The following STK3 variants were observed in gnomAD, a reference collection of about 807,000 sequenced individuals.
STK3 encodes serine/threonine kinase 3.
A neutral mutation model predicts 58.0 loss-of-function variants in STK3; 41 were observed. The ratio of observed to expected loss-of-function variants is 0.71; its 90% CI spans 0.55 to 0.92. The LOEUF is 0.92. Among genes scored for constraint, STK3 ranks in the 40% least tolerant of loss-of-function variants. STK3 has a pLI of 0.00. For missense variants in STK3, 479 were observed against 602.7 expected (o/e 0.79, Z 2.15); for synonymous variants, 170 against 191.0 (o/e 0.89, Z 0.91).
rs576192276 is a variant in STK3 at position 98,498,975 on chromosome 8, C to T, written c.1317+27767G>A. ...TTGCAAATGTGATTAAATTAAGTCT[C>T]TTATGATCCTAAGAATGGGGAGATA... On this transcript the variant is annotated intron_variant, in intron 10 of 10. Transcript: ENST00000419617. Among the ~76,000 whole-genome samples the T allele has an allele frequency of 2.4e-4, 37 of 152,258 alleles. No individual in the cohort carries two copies. The East Asian group carries it at 6.9e-3, about 29-fold the overall frequency.
At chr8:98,757,581 C>T (rs1434959428) in intron 3 of STK3, among the ~76,000 whole-genome samples, 1 of 138,408 alleles carries the variant, frequency 7.2e-6, no homozygotes, top group Non-Finnish European at 1.5e-5. Context: ...GGCAACAGGG[C>T]GAGACTCCAT....
intron 6 of STK3, among the ~76,000 whole-genome samples, chr8:98,686,356 C>T (rs1823998540): frequency 6.6e-6 from 1 of 152,030 alleles, no homozygotes; most frequent in African/African-American, 2.4e-5. Flanking sequence ...AATTTATTGC[C>T]TTTATGTTAG....
At chr8:98,598,960 A>G in intron 6 of STK3, 3 of 933,536 alleles carry the variant, frequency 3.2e-6, no homozygotes, top group Non-Finnish European at 3.8e-6. Context: ...TTAGACTGCA[A>G]GAGTACCCAG....
chr8:98,405,942 A>C (rs763674154), intron 3 of STK3, among the ~76,000 whole-genome samples: 1 of 152,140 alleles, frequency 6.6e-6, no homozygotes, highest in Non-Finnish European at 1.5e-5. Context: ...CTCCCACAAC[A>C]CATGGGAATT....
intron 1 of STK3, among the ~76,000 whole-genome samples, chr8:98,937,508 A>AAAT (rs1202186760): frequency 6.6e-6 from 1 of 152,238 alleles, no homozygotes; most frequent in African/African-American, 2.4e-5. Flanking sequence ...ATTAAATACA[A>AAAT]ATACTTTAAC....
intron 4 of STK3, among the ~76,000 whole-genome samples, chr8:98,719,747 C>G (rs1311528298): frequency 6.6e-6 from 1 of 152,226 alleles, no homozygotes; most frequent in African/African-American, 2.4e-5. Context: ...AGCGCTGATA[C>G]TCTTCAAGGT....
chr8:98,551,139 C>G (rs1157412105), intron 8 of STK3, among the ~76,000 whole-genome samples: 1 of 152,244 alleles, frequency 6.6e-6, no homozygotes, highest in South Asian at 2.1e-4. Context: ...GAAGGTCCTT[C>G]CCCTCTATCC....
At position 98,869,079 on chromosome 8, in the gene STK3, GAAGGAGAGAA is replaced by G. The variant is rs1354164209; in HGVS notation, c.110+14558_110+14567del. Among the ~76,000 whole-genome samples the G allele has an allele frequency of 2.2e-3, 306 of 140,808 alleles. 6 individuals are homozygous for G. Among genetic ancestry groups the G allele is most frequent in the African/African-American group, 8.0e-3 (288 of 35,862 alleles). The allele number at this position is 140,808 out of a possible 152,430, so 92.4% of individuals were successfully genotyped here. On this transcript the variant is annotated intron_variant, in intron 3 of 12. Transcript: ENST00000523601. ...GGAAGGAAGGAAGGAAGGAAGGAAG[GAAGGAGAGAA>G]AGAGAAAATAGAAAAGAAAAGGAGT... is the stretch of plus-strand genomic sequence containing the variant.
At chr8:98,446,109 T>C (rs1818936869) in intron 1 of STK3, among the ~76,000 whole-genome samples, 1 of 152,232 alleles carries the variant, frequency 6.6e-6, no homozygotes, top group African/African-American at 2.4e-5. Context: ...CTCATCTCTG[T>C]CTTTATATAT....
At chr8:98,590,429 A>G (rs1483448086) in intron 7 of STK3, among the ~76,000 whole-genome samples, 2 of 152,162 alleles carry the variant, frequency 1.3e-5, no homozygotes. Context: ...AGATCTGGGA[A>G]GGAGTCAGAG....
chr8:98,589,458 C>CG (rs1418215068), intron 7 of STK3, among the ~76,000 whole-genome samples: 1 of 152,232 alleles, frequency 6.6e-6, no homozygotes, highest in Non-Finnish European at 1.5e-5. Flanking sequence ...TGCCCCTTCT[C>CG]AGATCTCCAG....
downstream of STK3, among the ~76,000 whole-genome samples, chr8:98,366,626 C>A (rs1464336321): frequency 6.6e-6 from 1 of 152,220 alleles, no homozygotes; most frequent in African/African-American, 2.4e-5. Flanking sequence ...TATAACGCCT[C>A]CTTTATCATA....
intron 1 of STK3, among the ~76,000 whole-genome samples, chr8:98,820,847 A>G (rs1277748681): frequency 6.6e-6 from 1 of 152,008 alleles, no homozygotes; most frequent in East Asian, 1.9e-4. Flanking sequence ...GTGTGGTGGC[A>G]GGCGCCTGCA....
At chr8:98,408,269 G>A (rs1011970696) in intron 3 of STK3, among the ~76,000 whole-genome samples, 1 of 152,134 alleles carries the variant, frequency 6.6e-6, no homozygotes, top group African/African-American at 2.4e-5. Context: ...TAACATTTGT[G>A]AATTCTTATA....
chr8:98,820,877 G>T (rs927839111), intron 1 of STK3, among the ~76,000 whole-genome samples: 6 of 152,086 alleles, frequency 3.9e-5, no homozygotes, highest in African/African-American at 1.4e-4. Context: ...ACTCAGGAGG[G>T]TGAGGCAGGA....
intron 6 of STK3, among the ~76,000 whole-genome samples, chr8:98,666,204 A>T (rs1433905326): frequency 6.6e-6 from 1 of 151,990 alleles, no homozygotes; most frequent in Non-Finnish European, 1.5e-5. Context: ...AAAAAAAAAA[A>T]TCACACAGAG....
chr8:98,360,612 G>A, the STK3 span, among the ~76,000 whole-genome samples: 1 of 150,270 alleles, frequency 6.7e-6, no homozygotes, highest in African/African-American at 2.5e-5. Flanking sequence ...TGCATTCATT[G>A]TCAGATACAT....
chr8:98,815,433 G>A (rs921719897), intron 1 of STK3, among the ~76,000 whole-genome samples: 7 of 152,188 alleles, frequency 4.6e-5, no homozygotes, highest in African/African-American at 9.7e-5. Flanking sequence ...TTCTTACTAA[G>A]AGAAACCACG....
intron 6 of STK3, among the ~76,000 whole-genome samples, chr8:98,618,081 C>T (rs1418830095): frequency 4.6e-5 from 7 of 151,380 alleles, no homozygotes; most frequent in South Asian, 2.1e-4. Flanking sequence ...ACTGGCAAAC[C>T]GAATCCAGCA....
Sources: gnomAD v4.1 joint callset for allele counts (sites outside exome capture counted in the v4.1 genomes callset) on GRCh38, gnomAD v4.1.1 for gene constraint, MANE v1.5 for transcripts, NCBI Gene and HGNC (gene_info 2026-07-23, HGNC 2026-07-21) for gene names.